The following PIK3C2G variants were observed in gnomAD, a reference collection of about 807,000 sequenced individuals.
PIK3C2G encodes the protein phosphatidylinositol-4-phosphate 3-kinase catalytic subunit type 2 gamma.
In PIK3C2G, 168 loss-of-function variants were observed where a neutral mutation model predicts 181.1. That is an observed-to-expected ratio of 0.93 (90% CI 0.82 to 1.05). The LOEUF is 1.05. Ranked by LOEUF, PIK3C2G falls within the 50% of genes least tolerant of loss-of-function variation. The pLI, the probability that PIK3C2G is intolerant of heterozygous loss-of-function variation, is 0.00. For synonymous variants in PIK3C2G, 573 were observed against 592.2 expected, an observed-to-expected ratio of 0.97 and a Z score of 0.47; for missense variants, 1,869 against 1,732.8, an observed-to-expected ratio of 1.08 and a Z score of -1.40.
At chr12:18,484,093 T>C (rs1490851771) in intron 18 of PIK3C2G, among the ~76,000 whole-genome samples, 1 of 152,160 alleles carries the variant, frequency 6.6e-6, no homozygotes, top group Non-Finnish European at 1.5e-5. Flanking sequence ...TTTCATCCAG[T>C]CACATTCTGT....
intron 7 of PIK3C2G, among the ~76,000 whole-genome samples, chr12:18,321,386 C>A (rs538339506): frequency 9.2e-5 from 14 of 152,306 alleles, no homozygotes; most frequent in African/African-American, 3.1e-4. Flanking sequence ...GTAACCATCT[C>A]CTACTTGTTT....
intron 18 of PIK3C2G, among the ~76,000 whole-genome samples, chr12:18,476,387 GAGAA>G (rs1938996442): frequency 6.6e-6 from 1 of 152,086 alleles, no homozygotes; most frequent in South Asian, 2.1e-4. Context: ...AAAGACCCGA[GAGAA>G]ACAAATCATG....
At chr12:18,422,406 T>C (rs1185826043) in intron 17 of PIK3C2G, among the ~76,000 whole-genome samples, 1 of 152,028 alleles carries the variant, frequency 6.6e-6, no homozygotes, top group Non-Finnish European at 1.5e-5. Context: ...TTCCAACACA[T>C]AAAAAAATCC....
At chr12:18,651,644 C>T (rs1422879926), downstream of PIK3C2G, among the ~76,000 whole-genome samples, 2 of 152,246 alleles carry the variant, frequency 1.3e-5, no homozygotes, top group East Asian at 3.9e-4. Context: ...AGTCTAGGTA[C>T]CTAAGGACCT....
chr12:18,282,139 G>C lies in PIK3C2G; in HGVS notation c.58G>C (p.Glu20Gln). The part of the protein sequence containing the change: ...NPNESHEKQY[E>Q]HQEFLFVNQP... The stretch of plus-strand genomic sequence containing the variant: ...TAATGAATCACACGAAAAGCAGTAT[G>C]AACACCAAGAATTTCTCTTTGTAAA... Residue 20 changes from glutamate to glutamine, a missense_variant, in exon 2 of 33, where the codon GAA becomes CAA. Glu to Gln is a conservative substitution (Grantham distance 29). Coordinates refer to ENST00000538779, the MANE Select transcript of PIK3C2G (RefSeq NM_001288772.2). The C allele has an allele frequency of 5.0e-6, 8 of 1,609,188 alleles. No homozygotes were observed. Among genetic ancestry groups the C allele is most frequent in the Non-Finnish European group, 6.8e-6 (8 of 1,177,164 alleles).
intron 11 of PIK3C2G, among the ~76,000 whole-genome samples, chr12:18,353,760 C>A (rs1193705203): frequency 6.6e-6 from 1 of 152,144 alleles, no homozygotes; most frequent in East Asian, 1.9e-4. Context: ...TTTAGTTATG[C>A]CTCACCAGAA....
At chr12:18,562,353 CG>C (rs1008734924) in intron 26 of PIK3C2G, among the ~76,000 whole-genome samples, 2 of 152,114 alleles carry the variant, frequency 1.3e-5, no homozygotes, top group African/African-American at 4.8e-5. Flanking sequence ...AGGCTGGTCT[CG>C]ATCTCCTGAC....
chr12:18,303,201 CCTTT>C (rs1016265374), intron 5 of PIK3C2G, among the ~76,000 whole-genome samples: 27 of 136,400 alleles, frequency 2.0e-4, no homozygotes, highest in South Asian at 1.2e-3. Flanking sequence ...TCTTTCTTTT[CCTTT>C]CTTTCTCTTT....
intron 14 of PIK3C2G, among the ~76,000 whole-genome samples, chr12:18,384,540 T>C (rs1372828539): frequency 2.6e-5 from 4 of 152,210 alleles, no homozygotes; most frequent in Non-Finnish European, 5.9e-5. Context: ...CAGAGTTTTG[T>C]GGATATAAAT....
rs1430773049 is a variant in PIK3C2G at position 18,617,247 on chromosome 12, G to A, written c.4182+7618G>A. 3.3e-5 allele frequency among the ~76,000 whole-genome samples: 5 copies of A among 152,052 alleles called. No individual in the cohort carries two copies. In the South Asian group the frequency reaches 1.0e-3, roughly 31 times the overall value. On this transcript the variant is annotated intron_variant, in intron 31 of 32. Transcript: ENST00000538779. ...ACAGAGAGATTACCTCAATAAAAGT[G>A]TCACCTATCATTCAACTCATTGGAA...
chr12:18,711,879 G>A, the PIK3C2G span, among the ~76,000 whole-genome samples: 2 of 151,996 alleles, frequency 1.3e-5, no homozygotes, highest in African/African-American at 4.8e-5. Context: ...AGGAGAATCA[G>A]TGCCATACTC....
intron 31 of PIK3C2G, among the ~76,000 whole-genome samples, chr12:18,615,767 G>A (rs1948581845): frequency 6.6e-6 from 1 of 151,668 alleles, no homozygotes; most frequent in Non-Finnish European, 1.5e-5. Context: ...ACTTTGATTG[G>A]CTGCTATAAT....
intron 16 of PIK3C2G, among the ~76,000 whole-genome samples, chr12:18,414,578 A>C (rs1345197576): frequency 1.3e-5 from 2 of 152,160 alleles, no homozygotes; most frequent in African/African-American, 4.8e-5. Context: ...TAATTTAACT[A>C]TTAATTTTTA....
intron 18 of PIK3C2G, among the ~76,000 whole-genome samples, chr12:18,428,953 A>G (rs1180795077): frequency 6.6e-6 from 1 of 152,194 alleles, no homozygotes; most frequent in Non-Finnish European, 1.5e-5. Flanking sequence ...AAACACTTTA[A>G]CCACTAGTCA....
the PIK3C2G span, among the ~76,000 whole-genome samples, chr12:18,725,133 A>G: frequency 2.0e-5 from 3 of 152,198 alleles, no homozygotes; most frequent in Non-Finnish European, 4.4e-5. Flanking sequence ...ATCAAATTAC[A>G]GAAAAATGAA....
At chr12:18,693,638 G>A in the PIK3C2G span, 1 of 1,564,686 alleles carries the variant, frequency 6.4e-7, no homozygotes, top group Non-Finnish European at 8.8e-7. Flanking sequence ...TGATGAAATT[G>A]ACGCCATTGG....
chr12:18,645,954 G>C (rs1414038894), intron 32 of PIK3C2G, among the ~76,000 whole-genome samples: 4 of 152,116 alleles, frequency 2.6e-5, no homozygotes. Flanking sequence ...GAGTTCATCA[G>C]CTGAACATGA....
intron 8 of PIK3C2G, among the ~76,000 whole-genome samples, chr12:18,330,776 G>C (rs1201282048): frequency 2.0e-5 from 3 of 152,132 alleles, no homozygotes; most frequent in Non-Finnish European, 4.4e-5. Context: ...TGTTCCAGAA[G>C]AAAGTTCACT....
At chr12:18,609,898 A>G (rs1948247829) in intron 31 of PIK3C2G, among the ~76,000 whole-genome samples, 1 of 152,078 alleles carries the variant, frequency 6.6e-6, no homozygotes. Context: ...AAGGCTCTGA[A>G]AAAGCAGGAT....
Sources: allele counts gnomAD v4.1 joint callset (sites outside exome capture counted in the v4.1 genomes callset), GRCh38; gene constraint gnomAD v4.1.1; transcripts MANE v1.5; gene names NCBI Gene and HGNC (gene_info 2026-07-23, HGNC 2026-07-21).